Variants in SATL1 observed in about 807,000 individuals in gnomAD.
SATL1 encodes spermidine/spermine N(1)-acetyltransferase-like protein 1.
A neutral mutation model predicts 51.8 loss-of-function variants in SATL1; 47 were observed. The observed-to-expected ratio is 0.91, with a 90% confidence interval of 0.72 to 1.16. The LOEUF (loss-of-function observed/expected upper bound fraction) is 1.16, where lower values mean the gene tolerates loss of function less well. Ranked by LOEUF, SATL1 falls within the 50% of genes most tolerant of loss-of-function variation. The pLI is 0.00. For missense variants in SATL1, 520 were observed against 526.4 expected, an observed-to-expected ratio of 0.99 and a Z score of 0.12; for synonymous variants, 176 against 182.4, an observed-to-expected ratio of 0.97 and a Z score of 0.28.
intron 2 of SATL1, among the ~76,000 whole-genome samples, chrX:85,223,988 G>T (rs1928225466): frequency 8.9e-6 from 1 of 111,818 alleles, no homozygotes; most frequent in South Asian, 3.8e-4. Flanking sequence ...CCGATAAGTG[G>T]CAAAGGAAGA....
intron 1 of SATL1, among the ~76,000 whole-genome samples, chrX:85,238,343 A>C (rs2067096267): frequency 9.0e-6 from 1 of 111,699 alleles, no homozygotes; most frequent in African/African-American, 3.3e-5. Context: ...GATAAAGAAA[A>C]TGTGGTACAT....
chrX:85,223,052 T>G (rs1350643466), intron 2 of SATL1, among the ~76,000 whole-genome samples: 1 of 112,035 alleles, frequency 8.9e-6, no homozygotes, highest in Non-Finnish European at 1.9e-5. Flanking sequence ...TGAAGGAATA[T>G]TCATCCCTTC....
At chrX:85,209,634 A>G (rs946254759) in intron 2 of SATL1, 1 of 111,279 alleles carries the variant, frequency 9.0e-6, no homozygotes, top group Admixed American at 9.6e-5. Context: ...TTCTCTTTGT[A>G]GCAATCGTGA....
intron 1 of SATL1, among the ~76,000 whole-genome samples, chrX:85,240,033 T>C (rs183311497): frequency 0.01 from 1,130 of 111,496 alleles, 11 homozygotes; most frequent in Non-Finnish European, 0.013. Flanking sequence ...GACCCAGTAA[T>C]GATGTACAGA....
intron 2 of SATL1, among the ~76,000 whole-genome samples, chrX:85,151,627 C>T (rs1165528831): frequency 2.1e-4 from 23 of 110,963 alleles, no homozygotes; most frequent in Admixed American, 2.0e-3. Context: ...AGATATAGAC[C>T]AATGGAACAG....
At chrX:85,185,225 C>T (rs946424975) in intron 2 of SATL1, among the ~76,000 whole-genome samples, 1 of 112,657 alleles carries the variant, frequency 8.9e-6, no homozygotes, top group African/African-American at 3.2e-5. Context: ...AGCTAGGGGA[C>T]GGGTGACACA....
At chrX:85,127,267 T>G (rs941801723) in intron 2 of SATL1, among the ~76,000 whole-genome samples, 23 of 111,386 alleles carry the variant, frequency 2.1e-4, no homozygotes, top group African/African-American at 7.5e-4. Flanking sequence ...TTTTCTCATC[T>G]ATAAGGCAGG....
chrX:85,201,024 G>A (rs750200215), intron 2 of SATL1, among the ~76,000 whole-genome samples: 3 of 110,913 alleles, frequency 2.7e-5, no homozygotes, highest in Non-Finnish European at 5.7e-5. Flanking sequence ...ACCTTTAGCA[G>A]ATGCGTTCAC....
chrX:85,176,000 C>G (rs1341848795), intron 2 of SATL1, among the ~76,000 whole-genome samples: 1 of 111,311 alleles, frequency 9.0e-6, no homozygotes, highest in East Asian at 2.8e-4. Context: ...AAGCACCAAA[C>G]AAAAGATATC....
intron 2 of SATL1, among the ~76,000 whole-genome samples, chrX:85,146,950 GA>G (rs1337414115): frequency 1.8e-5 from 2 of 112,626 alleles, no homozygotes; most frequent in Non-Finnish European, 3.8e-5. Context: ...TCTCACTAGG[GA>G]GTACCAGACA....
intron 2 of SATL1, among the ~76,000 whole-genome samples, chrX:85,166,749 G>A (rs954761255): frequency 9.1e-6 from 1 of 110,088 alleles, no homozygotes; most frequent in Non-Finnish European, 1.9e-5. Flanking sequence ...GTAGAGCTAC[G>A]ATTTGATCCA....
At chrX:85,105,793 TAAG>T (rs1045813532) in intron 3 of SATL1, among the ~76,000 whole-genome samples, 4 of 112,193 alleles carry the variant, frequency 3.6e-5, no homozygotes, top group African/African-American at 6.5e-5. Flanking sequence ...CATAAAATAT[TAAG>T]AAGAACATAA....
chrX:85,192,812 C>G (rs1395013533), intron 2 of SATL1, among the ~76,000 whole-genome samples: 1 of 111,461 alleles, frequency 9.0e-6, no homozygotes, highest in Non-Finnish European at 1.9e-5. Context: ...TGCCTAGTAC[C>G]TAATAAGGTA....
At chrX:85,213,371 G>T (rs963755795) in intron 2 of SATL1, among the ~76,000 whole-genome samples, 1 of 111,939 alleles carries the variant, frequency 8.9e-6, no homozygotes, top group African/African-American at 3.2e-5. Flanking sequence ...AAATAACATA[G>T]AATGCAAAGT....
rs756009178 is a variant in SATL1 at position 85,241,164 on chromosome X, T to C, written c.-435+2424A>G. ...CCAATGTTCATTTAAATTATGGTAG[T>C]TTTATTATAATGTTACTTAAATATG... On this transcript the variant is annotated intron_variant, in intron 1 of 7. Coordinates refer to ENST00000644105, the MANE Select transcript of SATL1 (RefSeq NM_001367857.2). Among the ~76,000 whole-genome samples, 556 of 111,564 alleles carry C rather than the reference T, an allele frequency of 5.0e-3. 5 individuals are homozygous for C. Among genetic ancestry groups the C allele is most frequent in the Non-Finnish European group, 8.4e-3 (449 of 53,139 alleles).
chrX:85,215,680 C>T (rs1328789677), intron 2 of SATL1, among the ~76,000 whole-genome samples: 2 of 112,614 alleles, frequency 1.8e-5, no homozygotes, highest in South Asian at 3.7e-4. Flanking sequence ...TTCTTTGCTA[C>T]AGTGTCACAA....
rs1925071916 is a variant in SATL1, at chrX:85,107,351, G to C, written c.1618C>G (p.Pro540Ala). The C allele has an allele frequency of 8.3e-7, 1 of 1,209,758 alleles. No homozygotes were observed. Among genetic ancestry groups the C allele is most frequent in the Admixed American group, 2.2e-5 (1 of 45,838 alleles). The change falls in exon 3 of 8, where the codon CCA (proline) becomes GCA (alanine). Residue 540 changes from proline to alanine, a missense_variant. Transcript: ENST00000644105. ...ACTTTAATCAGTCGCAAAATTTCTG[G>C]GCAGTCTCCAGCCTCTGCATGTCTT... The part of the protein sequence containing the change: ...QIRHAEAGDC[P>A]EILRLIKELA...
At chrX:85,103,013 A>G (rs1924937784) in intron 4 of SATL1, among the ~76,000 whole-genome samples, 1 of 111,462 alleles carries the variant, frequency 9.0e-6, no homozygotes, top group Non-Finnish European at 1.9e-5. Flanking sequence ...AGTGTACATT[A>G]CTTTCAACTT....
At chrX:85,203,268 G>T (rs180930010) in intron 2 of SATL1, among the ~76,000 whole-genome samples, 60 of 111,435 alleles carry the variant, frequency 5.4e-4, no homozygotes, top group African/African-American at 1.9e-3. Context: ...GACCCCAGTT[G>T]AGAGGTCCCA....
Sources: allele counts gnomAD v4.1 joint callset (sites outside exome capture counted in the v4.1 genomes callset), GRCh38; gene constraint gnomAD v4.1.1; transcripts MANE v1.5; gene names NCBI Gene and HGNC (gene_info 2026-07-23, HGNC 2026-07-21).